Variants in MYH9 observed in about 807,000 individuals in gnomAD.
The protein encoded by MYH9 is myosin heavy chain 9, also known as myosin-9.
Under a neutral mutation model 241.9 loss-of-function variants are expected in MYH9, and 29 were observed. That is an observed-to-expected ratio of 0.12 (90% CI 0.09 to 0.16). The LOEUF (loss-of-function observed/expected upper bound fraction) is 0.16. Ranked by LOEUF, MYH9 falls within the 10% of genes least tolerant of loss-of-function variation. The probability of loss-of-function intolerance (pLI) is 1.00; values close to 1 mark genes in which losing one functional copy is unlikely to be tolerated. For synonymous variants in MYH9, 1,047 were observed against 1,062.6 expected (o/e 0.99, Z 0.29); for missense variants, 1,803 against 2,595.5 (o/e 0.69, Z 6.63).
intron 4 of MYH9, among the ~76,000 whole-genome samples, chr22:36,326,977 T>C (rs867517576): frequency 3.3e-5 from 5 of 152,362 alleles, no homozygotes; most frequent in Middle Eastern, 6.8e-3. Flanking sequence ...TCAAAGGCAC[T>C]TGTACATGTT....
intron 3 of MYH9, among the ~76,000 whole-genome samples, chr22:36,334,080 G>C (rs947341501): frequency 6.6e-6 from 1 of 151,038 alleles, no homozygotes; most frequent in African/African-American, 2.4e-5. Context: ...GGCCTGTTGG[G>C]TTGGATTTAC....
intron 15 of MYH9, among the ~76,000 whole-genome samples, chr22:36,308,577 T>C (rs2017008432): frequency 6.6e-6 from 1 of 152,054 alleles, no homozygotes; most frequent in Admixed American, 6.6e-5. Context: ...ATGTGACGTC[T>C]CCAAATTCCA....
At chr22:36,311,026 G>A (rs2017055198) in intron 14 of MYH9, among the ~76,000 whole-genome samples, 1 of 152,186 alleles carries the variant, frequency 6.6e-6, no homozygotes, top group South Asian at 2.1e-4. Flanking sequence ...CTAGAACCGG[G>A]CCTGGACTCC....
chr22:36,309,522 C>G, intron 14 of MYH9, 126 bp from the exon 15 acceptor site: 1 of 722,748 alleles, frequency 1.4e-6, no homozygotes, highest in Non-Finnish European at 2.5e-6. Context: ...TTTGATCCAG[C>G]ATTTCCACCC....
Position 36,301,598 on chromosome 22 carries a change from T to C in MYH9, c.2567A>G (p.Lys856Arg). 1 of 1,614,038 alleles carries C rather than the reference T, an allele frequency of 6.2e-7. No individual in the cohort carries two copies. Among genetic ancestry groups the C allele is most frequent in the South Asian group, 1.1e-5 (1 of 91,074 alleles). Residue 856 changes from lysine (K) to arginine (R), a missense_variant, in exon 21 of 41, where the codon AAG (lysine) becomes AGG (arginine). Physicochemically the swap from Lys to Arg is conservative, Grantham distance 26. Around this residue, in one of 11 missense-constraint regions of MYH9, gnomAD observed 290 missense variants for 360.5 expected, o/e 0.80. Transcript: ENST00000216181. ...EMMAKEEELV[K>R]VREKQLAAEN... ...CGCAGCCAGCTGCTTCTCTCTGACC[T>C]TCACCAGCTCCTCCTCCTTGGCCAT...
At chr22:36,333,430 G>T (rs2017453313) in intron 3 of MYH9, among the ~76,000 whole-genome samples, 3 of 152,328 alleles carry the variant, frequency 2.0e-5, no homozygotes, top group African/African-American at 7.2e-5. Flanking sequence ...TCATGTGGAA[G>T]AGACAAGATC....
intron 2 of MYH9, among the ~76,000 whole-genome samples, chr22:36,341,813 G>A (rs1387591468): frequency 2.0e-5 from 3 of 152,200 alleles, no homozygotes; most frequent in Non-Finnish European, 2.9e-5. Flanking sequence ...GGCAAGGTCC[G>A]CGGCCAAGCA....
chr22:36,292,338 G>T, intron 30 of MYH9, 104 bp from the exon 31 acceptor site: 1 of 1,495,326 alleles, frequency 6.7e-7, no homozygotes, highest in Non-Finnish European at 9.2e-7. Context: ...CCGTGGAAGG[G>T]GCACCAGGGA....
At chr22:36,294,024 C>G (rs2016749078) in intron 28 of MYH9, 68 bp downstream of exon 28, 1 of 1,565,534 alleles carries the variant, frequency 6.4e-7, no homozygotes. Flanking sequence ...ACACATGCAC[C>G]TGGGGACCTG....
intron 1 of MYH9, among the ~76,000 whole-genome samples, chr22:36,369,623 G>A (rs1002710779): frequency 4.6e-5 from 7 of 152,222 alleles, no homozygotes; most frequent in Admixed American, 4.6e-4. Context: ...GAACAGGGAG[G>A]GCTGTAATTT....
chr22:36,365,844 T>C (rs375768820), intron 1 of MYH9, among the ~76,000 whole-genome samples: 1 of 152,230 alleles, frequency 6.6e-6, no homozygotes, highest in South Asian at 2.1e-4. Context: ...ATACACATGC[T>C]ATTCACTCTG....
At chr22:36,356,949 C>T (rs982157186) in intron 1 of MYH9, among the ~76,000 whole-genome samples, 4 of 152,266 alleles carry the variant, frequency 2.6e-5, no homozygotes, top group Non-Finnish European at 4.4e-5. Context: ...GTGTGGCCTT[C>T]GGCCGGTGCC....
intron 15 of MYH9, chr22:36,308,779 C>A (rs1456664626): frequency 1.0e-6 from 1 of 977,716 alleles, no homozygotes; most frequent in Admixed American, 6.2e-5. Flanking sequence ...ACCACACACA[C>A]AAGAGACACC....
rs780501448 is a variant in MYH9 at position 36,284,559 on chromosome 22, G to A, written c.5484-48C>T. On this transcript the variant is annotated intron_variant, in intron 38 of 40. Coordinates refer to ENST00000216181, the MANE Select transcript of MYH9 (RefSeq NM_002473.6). ...CAGAGGGAACACCCTCCTTCAGAGG[G>A]TCCGGCCAACAAGCCCTAACCAGGA... 7 of 1,580,204 alleles carry A rather than the reference G, an allele frequency of 4.4e-6. No individual in the cohort carries two copies. In the East Asian group the frequency reaches 1.6e-4, roughly 35 times the overall value.
chr22:36,302,521 T>G (rs1388037703), intron 20 of MYH9, 47 bp downstream of exon 20: 1 of 1,444,448 alleles, frequency 6.9e-7, no homozygotes, highest in Non-Finnish European at 9.7e-7. Flanking sequence ...TGTATGGTGG[T>G]GTGCACCCGT....
Position 36,305,010 on chromosome 22 carries a change from GCAGGGA to G in MYH9, c.2229+17_2229+22del. The G allele has an allele frequency of 6.2e-7, 1 of 1,611,472 alleles. No individual in the cohort carries two copies. The highest frequency in any genetic ancestry group is 8.5e-7 in the Non-Finnish European group (1 of 1,177,970). On this transcript the variant is annotated intron_variant, in intron 18 of 40. Coordinates refer to ENST00000216181, the MANE Select transcript of MYH9 (RefSeq NM_002473.6). The surrounding 1 kb of genome is among the most constrained non-coding windows in gnomAD (Gnocchi z 4.7). ...GACAAGGGGCTGCCCATCCAGAGAGGCAGGGACAGCAGCTCAACTCACCATGAGCAC... is the reference window on the plus strand; with the variant it reads ...GACAAGGGGCTGCCCATCCAGAGAGGCAGCAGCTCAACTCACCATGAGCAC...
At chr22:36,283,555 A>C (rs971794607) in intron 40 of MYH9, among the ~76,000 whole-genome samples, 5 of 151,860 alleles carry the variant, frequency 3.3e-5, no homozygotes. Context: ...AAAAACAAAA[A>C]AAATAAAAAA....
chr22:36,363,809 T>C (rs1261919880), intron 1 of MYH9, among the ~76,000 whole-genome samples: 2 of 152,196 alleles, frequency 1.3e-5, no homozygotes, highest in African/African-American at 2.4e-5. Context: ...AAGGGTTTGG[T>C]TGGGTTCACC....
At chr22:36,308,931 A>T (rs1211569236) in intron 15 of MYH9, 1 of 916,262 alleles carries the variant, frequency 1.1e-6, no homozygotes, top group African/African-American at 1.8e-5. Flanking sequence ...AACAGAAAGA[A>T]TTAAAAAGAA....
Sources: gnomAD v4.1 joint callset for allele counts (sites outside exome capture counted in the v4.1 genomes callset) on GRCh38, gnomAD v4.1.1 for gene constraint, gnomAD v4.1.1 regional missense constraint, Gnocchi (gnomAD v3.1) non-coding constraint, MANE v1.5 for transcripts, NCBI Gene and HGNC (gene_info 2026-07-23, HGNC 2026-07-21) for gene names.